The following PRR16 variants were observed in gnomAD, a reference collection of about 807,000 sequenced individuals.
PRR16 encodes protein Largen.
In PRR16, 6 loss-of-function variants were observed where a neutral mutation model predicts 18.2. The observed-to-expected ratio is 0.33, with a 90% CI of 0.18 to 0.65. The LOEUF (loss-of-function observed/expected upper bound fraction) is 0.65. Ranked by LOEUF, PRR16 falls within the 30% of genes least tolerant of loss-of-function variation. The pLI, the probability that PRR16 is intolerant of heterozygous loss-of-function variation, is 0.74. For missense variants in PRR16, 412 were observed against 376.6 expected (o/e 1.09, Z -0.78); for synonymous variants, 151 against 147.8 (o/e 1.02, Z -0.16).
intron 1 of PRR16, among the ~76,000 whole-genome samples, chr5:120,543,244 G>A (rs1214814374): frequency 6.6e-6 from 1 of 152,046 alleles, no homozygotes; most frequent in East Asian, 1.9e-4. Context: ...AAAAACGGAT[G>A]AAAACTTGCT....
At chr5:120,588,319 G>A (rs557585909) in intron 1 of PRR16, among the ~76,000 whole-genome samples, 47 of 152,290 alleles carry the variant, frequency 3.1e-4, no homozygotes, top group Non-Finnish European at 5.9e-4. Flanking sequence ...AAATTCTACT[G>A]TGTGTAAAAT....
At chr5:120,644,660 T>C (rs1467470221) in intron 1 of PRR16, among the ~76,000 whole-genome samples, 1 of 152,160 alleles carries the variant, frequency 6.6e-6, no homozygotes, top group Non-Finnish European at 1.5e-5. Context: ...AGTCCAGCAT[T>C]ACCTCATTTT....
At chr5:120,618,480 A>G (rs1754584356) in intron 1 of PRR16, 1 of 969,054 alleles carries the variant, frequency 1.0e-6, no homozygotes, top group Non-Finnish European at 1.2e-6. Flanking sequence ...TCTTCATTTT[A>G]ATGTGTTCTA....
intron 1 of PRR16, among the ~76,000 whole-genome samples, chr5:120,473,400 C>G (rs1289722081): frequency 1.3e-5 from 2 of 152,036 alleles, no homozygotes; most frequent in African/African-American, 4.8e-5. Flanking sequence ...ACTCTGAAGC[C>G]AGTCTGCTTT....
intron 1 of PRR16, chr5:120,617,047 T>C: frequency 1.1e-6 from 1 of 918,652 alleles, no homozygotes; most frequent in Non-Finnish European, 1.3e-6. Flanking sequence ...TTTTGGAAAG[T>C]CTAAAGTAAA....
the PRR16 span, among the ~76,000 whole-genome samples, chr5:120,754,502 T>TA: frequency 1.3e-5 from 1 of 75,668 alleles, no homozygotes; most frequent in Admixed American, 2.2e-4. Context: ...ATGTATTTTA[T>TA]TATGTATATT....
the PRR16 span, among the ~76,000 whole-genome samples, chr5:120,723,304 C>G: frequency 7.9e-5 from 12 of 152,048 alleles, no homozygotes; most frequent in Admixed American, 5.9e-4. Flanking sequence ...TATATGTTTT[C>G]TGAGTAACCT....
the PRR16 span, among the ~76,000 whole-genome samples, chr5:120,750,666 CA>C: frequency 0.11 from 15,255 of 144,326 alleles, 995 homozygotes; most frequent in African/African-American, 0.18. Flanking sequence ...GACTCCATCT[CA>C]AAAAAAAAAA....
the PRR16 span, among the ~76,000 whole-genome samples, chr5:120,732,221 C>A: frequency 6.6e-6 from 1 of 152,168 alleles, no homozygotes; most frequent in Non-Finnish European, 1.5e-5. Context: ...ATTAATTTAT[C>A]AGTTGTCTGA....
chr5:120,719,135 T>C, the PRR16 span, among the ~76,000 whole-genome samples: 1 of 152,026 alleles, frequency 6.6e-6, no homozygotes, highest in Non-Finnish European at 1.5e-5. Flanking sequence ...TTGCTTCAGT[T>C]ACAAGTAAAA....
the PRR16 span, among the ~76,000 whole-genome samples, chr5:120,726,758 C>T: frequency 6.6e-6 from 1 of 152,012 alleles, no homozygotes; most frequent in Non-Finnish European, 1.5e-5. Flanking sequence ...GACATGTCCA[C>T]TCTTGATGGT....
At chr5:120,502,039 C>T (rs1017309764) in intron 1 of PRR16, among the ~76,000 whole-genome samples, 1 of 149,556 alleles carries the variant, frequency 6.7e-6, no homozygotes, top group Non-Finnish European at 1.5e-5. Flanking sequence ...CTCAAGTACT[C>T]CTCAAATGAA....
At chr5:120,605,541 A>G (rs1754125966) in intron 1 of PRR16, among the ~76,000 whole-genome samples, 1 of 152,144 alleles carries the variant, frequency 6.6e-6, no homozygotes, top group African/African-American at 2.4e-5. Flanking sequence ...CATCTGGTTA[A>G]GAATCATTGC....
chr5:120,721,758 G>A, the PRR16 span, among the ~76,000 whole-genome samples: 1 of 152,042 alleles, frequency 6.6e-6, no homozygotes, highest in Non-Finnish European at 1.5e-5. Context: ...ATACTATAAA[G>A]AGGAAGAGTT....
intron 1 of PRR16, among the ~76,000 whole-genome samples, chr5:120,482,206 G>A (rs1749641800): frequency 1.3e-5 from 2 of 152,078 alleles, no homozygotes; most frequent in South Asian, 4.1e-4. Flanking sequence ...GTGATGCTGA[G>A]GTTTGGAGTA....
chr5:120,625,267 A>T (rs1196717981), intron 1 of PRR16, among the ~76,000 whole-genome samples: 2 of 152,168 alleles, frequency 1.3e-5, no homozygotes, highest in Non-Finnish European at 2.9e-5. Flanking sequence ...GCAAGTGGTT[A>T]TTAGAGAGTT....
the PRR16 span, among the ~76,000 whole-genome samples, chr5:120,755,818 G>A: frequency 8.3e-3 from 1,262 of 152,014 alleles, 19 homozygotes; most frequent in African/African-American, 0.029. Flanking sequence ...ACAAAGAATC[G>A]GAGAAAATGC....
intron 1 of PRR16, among the ~76,000 whole-genome samples, chr5:120,582,575 A>C (rs1316860119): frequency 6.6e-6 from 1 of 152,224 alleles, no homozygotes; most frequent in African/African-American, 2.4e-5. Flanking sequence ...CTTATGCTAG[A>C]GAAAATATAG....
chr5:120,496,064 C>T (rs955742833), intron 1 of PRR16, among the ~76,000 whole-genome samples: 8 of 151,698 alleles, frequency 5.3e-5, no homozygotes, highest in South Asian at 2.1e-4. Context: ...CCAATTGATA[C>T]GATTATGTGA....
Sources: gnomAD v4.1 joint callset for allele counts (sites outside exome capture counted in the v4.1 genomes callset) on GRCh38, gnomAD v4.1.1 for gene constraint, MANE v1.5 for transcripts, NCBI Gene and HGNC (gene_info 2026-07-23, HGNC 2026-07-21) for gene names.